SPON1: variants seen among roughly 807,000 people sequenced by gnomAD.
The protein encoded by SPON1 is spondin-1.
In SPON1, 52 loss-of-function variants were observed where a neutral mutation model predicts 111.7. That is an observed-to-expected ratio of 0.47 (90% CI 0.37 to 0.59). The LOEUF is 0.59. Ranked by LOEUF, SPON1 falls within the 20% of genes least tolerant of loss-of-function variation. SPON1 has a pLI of 0.00. For synonymous variants in SPON1, 410 were observed against 395.8 expected (o/e 1.04, Z -0.43); for missense variants, 957 against 1,068.5 (o/e 0.90, Z 1.46).
At chr11:14,178,185 G>A (rs1005644170) in intron 6 of SPON1, among the ~76,000 whole-genome samples, 4 of 152,160 alleles carry the variant, frequency 2.6e-5, no homozygotes, top group Middle Eastern at 3.4e-3. Context: ...CACTTTGGGA[G>A]GCTGAGGCGG....
chr11:14,024,787 C>G (rs782184960), intron 2 of SPON1, among the ~76,000 whole-genome samples: 2 of 152,204 alleles, frequency 1.3e-5, no homozygotes, highest in Admixed American at 1.3e-4. Context: ...TCTTCTCTAC[C>G]CAGGGCTTCC....
Position 14,004,976 on chromosome 11 carries a change from T to TA in SPON1, c.345+22031dup, listed in dbSNP as rs572502197. Among the ~76,000 whole-genome samples the TA allele has an allele frequency of 2.4e-4, 37 of 152,212 alleles. No individual in the cohort carries two copies. The East Asian group carries it at 6.8e-3, about 28-fold the overall frequency. ...TGCATGCCACTATGTCTGGATGATTTAAAAAAAATTTTTTTAGAGATGGAG... is the reference window on the plus strand; with the variant it reads ...TGCATGCCACTATGTCTGGATGATTTAAAAAAAAATTTTTTTAGAGATGGAG... On this transcript the variant is annotated intron_variant, in intron 2 of 15. Coordinates refer to ENST00000576479, the MANE Select transcript of SPON1 (RefSeq NM_006108.4).
chr11:14,204,710 GT>G (rs67654280), intron 6 of SPON1, among the ~76,000 whole-genome samples: 61,858 of 149,916 alleles, frequency 0.41, 13,062 homozygotes, highest in South Asian at 0.49. Context: ...TTTGTTTTTG[GT>G]TTTTTTTTTG....
intron 5 of SPON1, among the ~76,000 whole-genome samples, chr11:14,114,905 A>G (rs1177202480): frequency 1.3e-5 from 2 of 152,154 alleles, no homozygotes; most frequent in African/African-American, 4.8e-5. Context: ...AATTTTTGTT[A>G]AAGTAAGGTG....
intron 5 of SPON1, among the ~76,000 whole-genome samples, chr11:14,084,225 A>G (rs1554922358): frequency 6.6e-6 from 1 of 151,742 alleles, no homozygotes; most frequent in African/African-American, 2.4e-5. Context: ...GTTTTGCCGC[A>G]CCTATCAACC....
intron 6 of SPON1, among the ~76,000 whole-genome samples, chr11:14,201,768 G>T (rs527285167): frequency 5.3e-5 from 8 of 152,200 alleles, no homozygotes; most frequent in South Asian, 2.1e-4. Flanking sequence ...GTATGATGAT[G>T]ATTATTATTA....
chr11:14,247,056 T>G (rs1343200062), intron 7 of SPON1, among the ~76,000 whole-genome samples: 2 of 152,144 alleles, frequency 1.3e-5, no homozygotes, highest in Non-Finnish European at 2.9e-5. Flanking sequence ...AAGATGAGTT[T>G]GGTGTGGGGC....
In SPON1 at chr11:13,963,015, G is replaced by A. The variant is rs562684426; in HGVS notation, c.111G>A (p.Val37=). The part of the protein sequence containing the change: ...LAFSDETLDK[V]PKSEGYCSRI... ...TCTCCGACGAGACCCTGGACAAAGT[G>A]CCCAAGTCAGAGGGCTACTGCAGCC... The change falls in exon 1 of 16, where the codon GTG becomes GTA. Residue 37 remains valine (V), a synonymous_variant. Coordinates refer to ENST00000576479, the MANE Select transcript of SPON1 (RefSeq NM_006108.4). 5.1e-5 allele frequency: 81 copies of A among 1,592,576 alleles called. No individual in the cohort carries two copies. The African/African-American group carries it at 9.6e-4, about 19-fold the overall frequency.
intron 2 of SPON1, among the ~76,000 whole-genome samples, chr11:14,032,264 T>A (rs1554916152): frequency 6.6e-6 from 1 of 152,348 alleles, no homozygotes; most frequent in East Asian, 1.9e-4. Context: ...ACCAAAATAT[T>A]AATAACTATC....
At chr11:14,041,281 C>G (rs920971211) in intron 2 of SPON1, among the ~76,000 whole-genome samples, 4 of 152,096 alleles carry the variant, frequency 2.6e-5, no homozygotes, top group Admixed American at 6.5e-5. Flanking sequence ...AAAGTGCTGA[C>G]ACAAGATTTG....
intron 14 of SPON1, chr11:14,262,384 T>C (rs527507903): frequency 2.9e-6 from 1 of 350,200 alleles, no homozygotes; most frequent in East Asian, 6.0e-5. Flanking sequence ...AGCTATTCTG[T>C]ACTTGAGGCT....
chr11:14,016,358 A>C (rs1333149019), intron 2 of SPON1, among the ~76,000 whole-genome samples: 1 of 152,264 alleles, frequency 6.6e-6, no homozygotes, highest in African/African-American at 2.4e-5. Context: ...ACGTGTGAGA[A>C]AGTTTAACTG....
Position 14,012,449 on chromosome 11 carries a change from G to C in SPON1, c.346-29072G>C, listed in dbSNP as rs1848412900. On this transcript the variant is annotated intron_variant, in intron 2 of 15. Transcript: ENST00000576479. ...CCAGATTAACACCAGATTCCTCATA[G>C]AGCAACTTAGTTATGCCAAGCATAT... 4.6e-5 allele frequency among the ~76,000 whole-genome samples: 7 copies of C among 152,238 alleles called. No homozygotes were observed. In the South Asian group the frequency reaches 1.5e-3, roughly 32 times the overall value.
At position 14,255,761 on chromosome 11, in the gene SPON1, G is replaced by T; in HGVS notation, c.1207G>T (p.Val403Phe). The T allele has an allele frequency of 6.2e-6, 10 of 1,613,940 alleles. No individual in the cohort carries two copies. The highest frequency in any genetic ancestry group is 8.5e-6 in the Non-Finnish European group (10 of 1,179,888). Residue 403 changes from valine (V) to phenylalanine (F), a missense_variant, in exon 9 of 16, where the codon GTT becomes TTT. Physicochemically the swap from Val to Phe is conservative, Grantham distance 50. Transcript: ENST00000576479. The stretch of plus-strand genomic sequence containing the variant: ...TGGGTCCATCACTCAAGTAGCCAGA[G>T]TTGTCATCGAGAGAATCGCACGGAA... ...EGGSITQVAR[V>F]VIERIARKGE...
Position 14,155,181 on chromosome 11 carries a change from A to G in SPON1, c.825+19613A>G, listed in dbSNP as rs1847829520. On this transcript the variant is annotated intron_variant, in intron 6 of 15. Transcript: ENST00000576479. ...CTTCTAAGCCCTCCAAATTGTTCCA[A>G]CCTCTGCCCATTACCCAGTTCCAAA... Among the ~76,000 whole-genome samples the G allele has an allele frequency of 3.3e-5, 5 of 151,942 alleles. 2 individuals are homozygous for G. The South Asian group carries it at 1.0e-3, about 32-fold the overall frequency.
intron 1 of SPON1, among the ~76,000 whole-genome samples, chr11:13,964,244 G>C (rs1554907831): frequency 1.3e-5 from 2 of 152,230 alleles, no homozygotes; most frequent in African/African-American, 4.8e-5. Flanking sequence ...GCTCCCGCCA[G>C]GGAGCGTGTC....
intron 6 of SPON1, among the ~76,000 whole-genome samples, chr11:14,202,747 T>C (rs573293345): frequency 1.3e-5 from 2 of 152,336 alleles, no homozygotes; most frequent in East Asian, 1.9e-4. Flanking sequence ...TGCAGGTGGC[T>C]AATATCATCA....
At chr11:14,123,595 A>G (rs1433147787) in intron 5 of SPON1, among the ~76,000 whole-genome samples, 1 of 152,148 alleles carries the variant, frequency 6.6e-6, no homozygotes, top group East Asian at 1.9e-4. Flanking sequence ...CAGGCCTTGT[A>G]AAGTGTCACC....
intron 1 of SPON1, among the ~76,000 whole-genome samples, chr11:13,968,119 G>A (rs1382247104): frequency 6.6e-6 from 1 of 152,154 alleles, no homozygotes; most frequent in Non-Finnish European, 1.5e-5. Flanking sequence ...CTGTCCATTT[G>A]CTTGTTATAC....
Sources: gnomAD v4.1 joint callset for allele counts (sites outside exome capture counted in the v4.1 genomes callset) on GRCh38, gnomAD v4.1.1 for gene constraint, MANE v1.5 for transcripts, NCBI Gene and HGNC (gene_info 2026-07-23, HGNC 2026-07-21) for gene names.